Variants in RBFOX2 observed in about 807,000 individuals in gnomAD.
RBFOX2 encodes the protein RNA binding fox-1 homolog 2.
Under a neutral mutation model 49.1 loss-of-function variants are expected in RBFOX2, and 10 were observed. The ratio of observed to expected loss-of-function variants is 0.20; its 90% CI spans 0.13 to 0.35. The LOEUF (loss-of-function observed/expected upper bound fraction) is 0.35. Ranked by LOEUF, RBFOX2 falls within the 10% of genes least tolerant of loss-of-function variation. The pLI, the probability that RBFOX2 is intolerant of heterozygous loss-of-function variation, is 1.00. For missense variants in RBFOX2, 323 were observed against 486.9 expected (o/e 0.66, Z 3.17); for synonymous variants, 183 against 187.4 (o/e 0.98, Z 0.19).
intron 1 of RBFOX2, among the ~76,000 whole-genome samples, chr22:35,901,466 T>C (rs547182491): frequency 2.6e-5 from 4 of 151,822 alleles, no homozygotes; most frequent in South Asian, 2.1e-4. Context: ...CTGGGCAACA[T>C]AGTAAAACTC....
At chr22:35,817,314 C>T (rs1041930444) in intron 1 of RBFOX2, among the ~76,000 whole-genome samples, 7 of 152,006 alleles carry the variant, frequency 4.6e-5, no homozygotes, top group African/African-American at 1.7e-4. Flanking sequence ...TCCATCTCTA[C>T]TAAAAATACA....
At chr22:35,918,302 A>G (rs2050653261) in intron 1 of RBFOX2, among the ~76,000 whole-genome samples, 1 of 152,236 alleles carries the variant, frequency 6.6e-6, no homozygotes, top group African/African-American at 2.4e-5. Flanking sequence ...AGGTATCTCT[A>G]TTCCTTGGAG....
At position 35,928,360 on chromosome 22, in the gene RBFOX2, C is replaced by T. The variant is rs114653039; in HGVS notation, c.-34+10487G>A. On this transcript the variant is annotated intron_variant, in intron 1 of 13. Coordinates refer to the RBFOX2 transcript ENST00000359369. The stretch of plus-strand genomic sequence containing the variant: ...AAAGCCAATGAACCTAGCTGATCCT[C>T]ACTCTGCCATATACCTTAGGACATG... Among the ~76,000 whole-genome samples the T allele has an allele frequency of 2.6e-3, 394 of 152,286 alleles. 3 individuals carry two copies. Among genetic ancestry groups the T allele is most frequent in the African/African-American group, 9.3e-3 (385 of 41,556 alleles).
chr22:35,840,524 C>T (rs1369476222), exon 1 of RBFOX2: 17 of 1,236,742 alleles, frequency 1.4e-5, no homozygotes, highest in Non-Finnish European at 1.3e-5. Flanking sequence ...CCTCTTCCTC[C>T]TCCCCCCACC....
rs118133888 is a variant in RBFOX2 at position 35,981,855 on chromosome 22, A to G, written c.187-42958T>C. On this transcript the variant is annotated intron_variant, in intron 1 of 13. Coordinates refer to the RBFOX2 transcript ENST00000438146. ...AAAAGATCAAGGCAGCAGTAAGAAG[A>G]CAGCCCACACAGAATTCACTGTATA... 8.4e-3 allele frequency among the ~76,000 whole-genome samples: 1,281 copies of G among 152,258 alleles called. 4 individuals carry two copies. Among genetic ancestry groups the G allele is most frequent in the Non-Finnish European group, 0.011 (761 of 68,028 alleles).
intron 1 of RBFOX2, among the ~76,000 whole-genome samples, chr22:36,001,578 A>G (rs185669663): frequency 7.9e-5 from 12 of 151,320 alleles, no homozygotes; most frequent in Admixed American, 3.3e-4. Flanking sequence ...TGGGCAACAT[A>G]GCAAGACCCT....
intron 1 of RBFOX2, among the ~76,000 whole-genome samples, chr22:35,952,436 A>G: frequency 6.6e-6 from 1 of 152,254 alleles, no homozygotes; most frequent in Admixed American, 6.5e-5. Context: ...TGCTGAGGAC[A>G]CAAAGATGAA....
At chr22:35,895,525 G>A (rs971727511) in intron 1 of RBFOX2, among the ~76,000 whole-genome samples, 5 of 152,066 alleles carry the variant, frequency 3.3e-5, no homozygotes, top group African/African-American at 1.2e-4. Flanking sequence ...TCTTAATCTT[G>A]CAAGATTTCA....
chr22:36,012,012 T>C (rs933555853), intron 1 of RBFOX2, among the ~76,000 whole-genome samples: 1 of 152,134 alleles, frequency 6.6e-6, no homozygotes, highest in Non-Finnish European at 1.5e-5. Flanking sequence ...GATTTTATAC[T>C]ACCCACCATT....
At chr22:35,809,853 G>A in exon 2 of RBFOX2, 1 of 1,614,092 alleles carries the variant, frequency 6.2e-7, no homozygotes, top group Non-Finnish European at 8.5e-7. Flanking sequence ...TCCGTAGAGT[G>A]TCAGGTTATG....
intron 9 of RBFOX2, chr22:35,747,882 A>C (rs1569217115): frequency 6.6e-6 from 1 of 152,132 alleles, no homozygotes; most frequent in Non-Finnish European, 1.5e-5. Context: ...GATTTTTCTA[A>C]ATCTACAAAA....
At chr22:35,758,021 T>C (rs1306066221) in intron 9 of RBFOX2, among the ~76,000 whole-genome samples, 1 of 152,202 alleles carries the variant, frequency 6.6e-6, no homozygotes, top group Non-Finnish European at 1.5e-5. Flanking sequence ...AGAATCCCAA[T>C]ATTCCCTGTA....
chr22:35,896,269 G>C (rs2047831160), intron 1 of RBFOX2, among the ~76,000 whole-genome samples: 1 of 152,004 alleles, frequency 6.6e-6, no homozygotes. Context: ...ATCCATTTTT[G>C]GCCATGGAGT....
intron 1 of RBFOX2, among the ~76,000 whole-genome samples, chr22:35,985,929 T>C (rs1382264366): frequency 1.3e-5 from 2 of 151,724 alleles, no homozygotes; most frequent in Non-Finnish European, 2.9e-5. Flanking sequence ...GATAGATAGA[T>C]AGATAGATAG....
chr22:35,786,491 T>A (rs1413823689), intron 2 of RBFOX2, among the ~76,000 whole-genome samples: 1 of 152,212 alleles, frequency 6.6e-6, no homozygotes, highest in East Asian at 1.9e-4. Context: ...TACACCCATG[T>A]AACCACCAAA....
intron 1 of RBFOX2, among the ~76,000 whole-genome samples, chr22:35,849,853 C>T (rs768399478): frequency 6.6e-6 from 1 of 152,004 alleles, no homozygotes; most frequent in African/African-American, 2.4e-5. Context: ...CAGAAAAAAG[C>T]AAAAAGCTTT....
At chr22:35,913,270 G>A (rs9619575) in intron 1 of RBFOX2, among the ~76,000 whole-genome samples, 3,588 of 152,066 alleles carry the variant, frequency 0.024, 149 homozygotes, top group African/African-American at 0.082. Context: ...TTGAGCCCAC[G>A]AGTTCAAGAT....
chr22:35,879,650 CT>C (rs895452357), intron 1 of RBFOX2, among the ~76,000 whole-genome samples: 3 of 152,230 alleles, frequency 2.0e-5, no homozygotes, highest in Non-Finnish European at 4.4e-5. Flanking sequence ...GCAGGCTTGA[CT>C]GGAGCCTTGT....
At chr22:35,756,224 T>C (rs1936891969) in intron 9 of RBFOX2, 80 bp from the exon 11 acceptor site, 4 of 1,334,776 alleles carry the variant, frequency 3.0e-6, no homozygotes. Context: ...GACGGCAGCA[T>C]GCACATGCGC....
Sources: allele counts gnomAD v4.1 joint callset (sites outside exome capture counted in the v4.1 genomes callset), GRCh38; gene constraint gnomAD v4.1.1; transcripts MANE v1.5; gene names NCBI Gene and HGNC (gene_info 2026-07-23, HGNC 2026-07-21).